Variants in NRIP1 observed in about 807,000 individuals in gnomAD.
NRIP1 encodes nuclear receptor-interacting protein 1.
Under a neutral mutation model 75.0 loss-of-function variants are expected in NRIP1, and 28 were observed. That is an observed-to-expected ratio of 0.37 (90% confidence interval 0.28 to 0.51). The LOEUF (loss-of-function observed/expected upper bound fraction) is 0.51, where lower values mean the gene tolerates loss of function less well. Ranked by LOEUF, NRIP1 falls within the 20% of genes least tolerant of loss-of-function variation. NRIP1 has a pLI of 0.92. For synonymous variants in NRIP1, 526 were observed against 487.6 expected (o/e 1.08, Z -1.04); for missense variants, 1,435 against 1,343.7 (o/e 1.07, Z -1.06).
intron 3 of NRIP1, among the ~76,000 whole-genome samples, chr21:15,010,727 G>A (rs1469698993): frequency 6.6e-6 from 1 of 152,172 alleles, no homozygotes; most frequent in Non-Finnish European, 1.5e-5. Context: ...TCTGGTGGTT[G>A]TAAAAGACTC....
Position 14,965,300 on chromosome 21 carries a change from G to A in NRIP1, c.2893C>T (p.His965Tyr). ...TTGCTGTTGGTCACATTATTTTTGT[G>A]TCCTTTCTTTTTACTGTCAGCCACA... ...NSVADSKKKG[H>Y]KNNVTNSKPE... The change falls in exon 4 of 4, where the codon CAC (histidine) becomes TAC (tyrosine). Residue 965 changes from histidine (H) to tyrosine (Y), a missense_variant. By Grantham distance (83) the His-to-Tyr change is moderately conservative. Transcript: ENST00000318948. 2.5e-6 allele frequency: 4 copies of A among 1,613,948 alleles called. No individual in the cohort carries two copies. Among genetic ancestry groups the A allele is most frequent in the Non-Finnish European group, 3.4e-6 (4 of 1,179,918 alleles).
At chr21:14,987,669 C>G (rs551978321) in intron 3 of NRIP1, among the ~76,000 whole-genome samples, 7 of 152,158 alleles carry the variant, frequency 4.6e-5, no homozygotes, top group African/African-American at 1.7e-4. Flanking sequence ...TGTCACTGAC[C>G]GTTGATTCCT....
chr21:15,027,901 C>T (rs533754380), intron 2 of NRIP1, among the ~76,000 whole-genome samples: 1 of 152,118 alleles, frequency 6.6e-6, no homozygotes, highest in African/African-American at 2.4e-5. Context: ...TTTACTTGCA[C>T]AATAAATAAC....
chr21:15,049,440 A>G lies in NRIP1; in HGVS notation c.-537-5866T>C, dbSNP rs534870681. On this transcript the variant is annotated intron_variant, in intron 1 of 3. Coordinates refer to ENST00000318948, the MANE Select transcript of NRIP1 (RefSeq NM_003489.4). ...CAAGAGTATATCAAAACACACACAC[A>G]CAAAAGTTAACCCTACAAATTATTT... is the stretch of plus-strand genomic sequence containing the variant. Among the ~76,000 whole-genome samples, 7 of 152,254 alleles carry G rather than the reference A, an allele frequency of 4.6e-5. No individual in the cohort carries two copies. The South Asian group carries it at 1.4e-3, about 32-fold the overall frequency.
rs565142559 is a variant in NRIP1 at position 15,001,562 on chromosome 21, T to C, written c.-335+12782A>G. On this transcript the variant is annotated intron_variant, in intron 3 of 3. Coordinates refer to ENST00000318948, the MANE Select transcript of NRIP1 (RefSeq NM_003489.4). ...CTCTATTTGAGTAACAATCACAGAA[T>C]TAAAAAAAATTATAAGAAATATGCA... Among the ~76,000 whole-genome samples, 34 of 151,794 alleles carry C rather than the reference T, an allele frequency of 2.2e-4. No individual in the cohort carries two copies. The South Asian group carries it at 6.8e-3, about 31-fold the overall frequency.
At chr21:15,062,071 T>C (rs1026724960) in intron 1 of NRIP1, among the ~76,000 whole-genome samples, 1 of 152,232 alleles carries the variant, frequency 6.6e-6, no homozygotes, top group African/African-American at 2.4e-5. Context: ...TAGTTCTTTC[T>C]GTTCAACTGG....
At position 15,029,586 on chromosome 21, in the gene NRIP1, AT is replaced by A. The variant is rs915712147; in HGVS notation, c.-458+13908del. 3.3e-5 allele frequency among the ~76,000 whole-genome samples: 5 copies of A among 151,954 alleles called. No homozygotes were observed. In the East Asian group the frequency reaches 9.6e-4, roughly 29 times the overall value. On this transcript the variant is annotated intron_variant, in intron 2 of 3. Transcript: ENST00000318948. ...AAATGTAAGCTCCAGGAGGGTAGCAATTTTTTTTCTCTTTTGTTCACTGTTC... is the reference window on the plus strand; with the variant it reads ...AAATGTAAGCTCCAGGAGGGTAGCAATTTTTTTCTCTTTTGTTCACTGTTC...
At chr21:15,035,289 A>T (rs2088806452) in intron 2 of NRIP1, among the ~76,000 whole-genome samples, 1 of 152,186 alleles carries the variant, frequency 6.6e-6, no homozygotes, top group Admixed American at 6.5e-5. Flanking sequence ...TTATATCTCA[A>T]ATAAATGTTT....
Position 14,963,668 on chromosome 21 carries a change from A to G in NRIP1, c.*1048T>C, listed in dbSNP as rs12481775. The G allele has an allele frequency of 0.081, 12,293 of 152,094 alleles. 695 individuals carry two copies. The highest frequency in any genetic ancestry group is 0.2 in the East Asian group (1,034 of 5,162). 9.4% of individuals were successfully genotyped at this position (152,094 alleles called of 1,614,324 possible). On this transcript the variant is annotated 3_prime_UTR_variant, in exon 4 of 4. Coordinates refer to ENST00000318948, the MANE Select transcript of NRIP1 (RefSeq NM_003489.4). The stretch of plus-strand genomic sequence containing the variant: ...GAGAGCATGTTAAGATGCAGATGGA[A>G]GATTCCAGGTCCACTTAGCAGAGAT...
chr21:15,041,141 T>C (rs1019499933), intron 2 of NRIP1, among the ~76,000 whole-genome samples: 3 of 151,976 alleles, frequency 2.0e-5, no homozygotes, highest in Admixed American at 1.3e-4. Context: ...GGTATAATCA[T>C]AGAATAGAAC....
At chr21:15,009,961 C>T (rs1392230072) in intron 3 of NRIP1, among the ~76,000 whole-genome samples, 1 of 152,068 alleles carries the variant, frequency 6.6e-6, no homozygotes, top group East Asian at 1.9e-4. Context: ...GGAGGACAGG[C>T]TAGAAGATGG....
chr21:14,977,572 C>G (rs1270468389), intron 3 of NRIP1, among the ~76,000 whole-genome samples: 1 of 111,676 alleles, frequency 9.0e-6, no homozygotes, highest in East Asian at 3.7e-4. Context: ...CCTCTATTAT[C>G]AATTAAAAAG....
intron 2 of NRIP1, among the ~76,000 whole-genome samples, chr21:15,020,540 C>T (rs1462336836): frequency 6.6e-6 from 1 of 151,744 alleles, no homozygotes; most frequent in Non-Finnish European, 1.5e-5. Flanking sequence ...AGAAATATTC[C>T]TTAAATAAGA....
At chr21:15,026,943 A>G (rs979594756) in intron 2 of NRIP1, among the ~76,000 whole-genome samples, 4 of 152,218 alleles carry the variant, frequency 2.6e-5, no homozygotes, top group African/African-American at 9.6e-5. Flanking sequence ...TGGACACCTC[A>G]TTCTTCATGA....
intron 2 of NRIP1, among the ~76,000 whole-genome samples, chr21:15,037,401 T>C (rs781701323): frequency 6.6e-6 from 1 of 152,188 alleles, no homozygotes; most frequent in Admixed American, 6.5e-5. Flanking sequence ...TCACCAATAC[T>C]TTGATTTATC....
intron 2 of NRIP1, among the ~76,000 whole-genome samples, chr21:15,032,488 T>A (rs1052373016): frequency 2.6e-5 from 4 of 151,062 alleles, no homozygotes; most frequent in Admixed American, 2.0e-4. Context: ...TTTGGATAAA[T>A]GATGGCTCTA....
At chr21:15,013,336 T>C (rs2088154683) in intron 3 of NRIP1, among the ~76,000 whole-genome samples, 1 of 152,180 alleles carries the variant, frequency 6.6e-6, no homozygotes, top group African/African-American at 2.4e-5. Context: ...TTCTGAACAT[T>C]ATCAGAATAG....
intron 1 of NRIP1, among the ~76,000 whole-genome samples, chr21:15,054,573 G>T (rs2089268732): frequency 6.6e-6 from 1 of 152,080 alleles, no homozygotes; most frequent in Admixed American, 6.5e-5. Context: ...AAAAAATATT[G>T]TTCCTTTTAA....
rs946151344 is a variant in NRIP1, at chr21:14,962,681, G to A, written c.*2035C>T. The A allele has an allele frequency of 6.6e-6, 1 of 152,380 alleles. No individual in the cohort carries two copies. Among genetic ancestry groups the A allele is most frequent in the Non-Finnish European group, 1.5e-5 (1 of 67,916 alleles). The allele number at this position is 152,380 out of a possible 1,614,324, so 9.4% of individuals were successfully genotyped here. On this transcript the variant is annotated 3_prime_UTR_variant, in exon 4 of 4. Coordinates refer to ENST00000318948, the MANE Select transcript of NRIP1 (RefSeq NM_003489.4). ...AATAGAATATATTCAACTGGCCAGT[G>A]GAATTTTATGTCAGAATAAGCCTAT...
Sources: gnomAD v4.1 joint callset for allele counts (sites outside exome capture counted in the v4.1 genomes callset) on GRCh38, gnomAD v4.1.1 for gene constraint, MANE v1.5 for transcripts, NCBI Gene and HGNC (gene_info 2026-07-23, HGNC 2026-07-21) for gene names.